Variants in PLCB4 observed in about 807,000 individuals in gnomAD.
PLCB4 encodes the protein phospholipase C beta 4, also known as 1-phosphatidylinositol 4,5-bisphosphate phosphodiesterase beta-4.
In PLCB4, 77 loss-of-function variants were observed where a neutral mutation model predicts 178.8. The ratio of observed to expected loss-of-function variants is 0.43; its 90% CI spans 0.36 to 0.52. The LOEUF is 0.52. PLCB4 is among the 20% of genes least tolerant of loss of function. The probability of loss-of-function intolerance (pLI) is 0.00; values close to 1 mark genes in which losing one functional copy is unlikely to be tolerated. For synonymous variants in PLCB4, 496 were observed against 490.8 expected, an observed-to-expected ratio of 1.01 and a Z score of -0.14; for missense variants, 1,024 against 1,453.4, an observed-to-expected ratio of 0.70 and a Z score of 4.80.
chr20:9,101,881 G>C (rs1005948999), intron 2 of PLCB4, among the ~76,000 whole-genome samples: 1 of 143,226 alleles, frequency 7.0e-6, no homozygotes, highest in Non-Finnish European at 1.5e-5. Flanking sequence ...GTTTTGCTCT[G>C]TCACCCGGGT....
rs144085648 is a variant in PLCB4, at chr20:9,190,322, G to A, written c.-78-27068G>A. ...TTGGATTGTGGGAATGGTTTCCCCC[G>A]TGCTATTCTCATGATAGTGAGTTCT... On this transcript the variant is annotated intron_variant, in intron 2 of 39. Transcript: ENST00000378473. 1.4e-4 allele frequency among the ~76,000 whole-genome samples: 21 copies of A among 152,162 alleles called. 1 individual carries two copies. The highest frequency in any genetic ancestry group is 5.8e-4 in the East Asian group (3 of 5,162).
chr20:9,325,200 A>AT (rs1160970994), intron 4 of PLCB4, among the ~76,000 whole-genome samples: 3 of 152,066 alleles, frequency 2.0e-5, no homozygotes, highest in African/African-American at 4.8e-5. Flanking sequence ...TTTTCTTAGG[A>AT]TTTTTTTATA....
At chr20:9,421,112 GT>G (rs991564435) in intron 26 of PLCB4, among the ~76,000 whole-genome samples, 184 bp from the exon 27 acceptor site, 1 of 151,918 alleles carries the variant, frequency 6.6e-6, no homozygotes. Flanking sequence ...AACAGCTGGG[GT>G]TTTTTTGCCT....
chr20:9,346,970 T>G (rs1216415856), intron 7 of PLCB4, among the ~76,000 whole-genome samples: 1 of 152,162 alleles, frequency 6.6e-6, no homozygotes, highest in African/African-American at 2.4e-5. Context: ...CAGTTCTCAT[T>G]TGCTCTTGCA....
intron 12 of PLCB4, among the ~76,000 whole-genome samples, chr20:9,373,476 A>G (rs1375960999): frequency 2.0e-5 from 3 of 152,230 alleles, no homozygotes; most frequent in African/African-American, 7.2e-5. Flanking sequence ...TGAGTTTACT[A>G]CACTGTAGTT....
intron 2 of PLCB4, among the ~76,000 whole-genome samples, chr20:9,158,902 C>A (rs938745692): frequency 2.6e-5 from 4 of 152,146 alleles, no homozygotes; most frequent in African/African-American, 9.7e-5. Context: ...ATTTGTAAAT[C>A]ATCTAAAATC....
At chr20:9,216,303 C>T (rs920926999) in intron 2 of PLCB4, among the ~76,000 whole-genome samples, 2 of 149,910 alleles carry the variant, frequency 1.3e-5, no homozygotes, top group African/African-American at 4.9e-5. Context: ...CTGCAAGCTT[C>T]GCCTCCCAGG....
intron 4 of PLCB4, among the ~76,000 whole-genome samples, chr20:9,332,330 G>C (rs1268744629): frequency 6.6e-6 from 1 of 152,130 alleles, no homozygotes; most frequent in Non-Finnish European, 1.5e-5. Flanking sequence ...TAAAACTGCT[G>C]TTAGGGAAAA....
intron 2 of PLCB4, among the ~76,000 whole-genome samples, chr20:9,099,939 T>C (rs769738963): frequency 2.0e-4 from 30 of 152,292 alleles, no homozygotes; most frequent in Non-Finnish European, 3.8e-4. Flanking sequence ...GGTATCTGAA[T>C]CCTTTTCCTG....
chr20:9,334,439 T>C (rs1360869441), intron 4 of PLCB4, among the ~76,000 whole-genome samples: 2 of 152,014 alleles, frequency 1.3e-5, no homozygotes, highest in Non-Finnish European at 1.5e-5. Context: ...GTAAGTGGGG[T>C]AGTAAGTAAC....
At chr20:9,340,265 G>T (rs2033028313) in intron 7 of PLCB4, among the ~76,000 whole-genome samples, 1 of 152,060 alleles carries the variant, frequency 6.6e-6, no homozygotes, top group African/African-American at 2.4e-5. Context: ...GAGTTCTGTT[G>T]ACCCCTAAAC....
chr20:9,068,707 G>C (rs533446608), upstream of PLCB4: 2 of 151,956 alleles, frequency 1.3e-5, no homozygotes, highest in Non-Finnish European at 2.9e-5. Context: ...GCTGCGAGGC[G>C]ACAGCTCGGG....
rs1275597157 is a variant in PLCB4, at chr20:9,410,967, T to G, written c.2000-70T>G. On this transcript the variant is annotated intron_variant, in intron 24 of 39. Coordinates refer to ENST00000378473, the MANE Select transcript of PLCB4 (RefSeq NM_001377142.1). ...TAGGAGCAATCTGATACCTATTGTTTCAAATCACCCCGTCAGGGTCTTTTT... is the reference window on the plus strand; with the variant it reads ...TAGGAGCAATCTGATACCTATTGTTGCAAATCACCCCGTCAGGGTCTTTTT... The G allele has an allele frequency of 2.7e-6, 3 of 1,112,936 alleles. No homozygotes were observed. The Admixed American group carries it at 5.1e-5, about 19-fold the overall frequency. The allele number at this position is 1,112,936 out of a possible 1,614,324, so 68.9% of individuals were successfully genotyped here.
chr20:9,292,571 G>T (rs934160217), intron 3 of PLCB4, among the ~76,000 whole-genome samples: 2 of 152,178 alleles, frequency 1.3e-5, no homozygotes, highest in Non-Finnish European at 2.9e-5. Context: ...AGAGGTTCAG[G>T]CCATAGAGGT....
chr20:9,218,951 T>C (rs1175189170), intron 3 of PLCB4, among the ~76,000 whole-genome samples: 2 of 152,142 alleles, frequency 1.3e-5, no homozygotes, highest in Admixed American at 1.3e-4. Context: ...ATCTGGACTA[T>C]CCACTTTCTC....
chr20:9,435,951 A>G (rs2041740635), intron 29 of PLCB4, among the ~76,000 whole-genome samples: 1 of 152,242 alleles, frequency 6.6e-6, no homozygotes. Context: ...ATGTAGGTGG[A>G]GCATTTCTAA....
At position 9,096,332 on chromosome 20, in the gene PLCB4, C is replaced by G. The variant is rs569800982; in HGVS notation, c.-89C>G. The G allele has an allele frequency of 1.6e-4, 24 of 152,236 alleles. No homozygotes were observed. Among genetic ancestry groups the G allele is most frequent in the Non-Finnish European group, 2.2e-4 (15 of 68,002 alleles). The allele number at this position is 152,236 out of a possible 1,614,324, so 9.4% of individuals were successfully genotyped here. On this transcript the variant is annotated 5_prime_UTR_variant, in exon 2 of 40. Transcript: ENST00000378473. ...ATTCAGAATCCTGAAAATGTGATCTCCCTTAAAAAGGTAGGTGTATGTGCT... is the reference window on the plus strand; with the variant it reads ...ATTCAGAATCCTGAAAATGTGATCTGCCTTAAAAAGGTAGGTGTATGTGCT...
chr20:9,248,406 G>A (rs373365273), intron 3 of PLCB4, among the ~76,000 whole-genome samples: 4 of 152,044 alleles, frequency 2.6e-5, no homozygotes, highest in Non-Finnish European at 5.9e-5. Flanking sequence ...ATTACACCAG[G>A]TTAACTCAAA....
At chr20:9,386,073 C>T (rs111532544) in intron 14 of PLCB4, among the ~76,000 whole-genome samples, 1,633 of 152,250 alleles carry the variant, frequency 0.011, 35 homozygotes, top group African/African-American at 0.037. Flanking sequence ...GTCAACAGGG[C>T]GATACCCCAT....
Sources: allele counts gnomAD v4.1 joint callset (sites outside exome capture counted in the v4.1 genomes callset), GRCh38; gene constraint gnomAD v4.1.1; transcripts MANE v1.5; gene names NCBI Gene and HGNC (gene_info 2026-07-23, HGNC 2026-07-21).